Variants in CTNNAL1 observed in about 807,000 individuals in gnomAD.
CTNNAL1 encodes the protein catenin alpha like 1.
A neutral mutation model predicts 93.6 loss-of-function variants in CTNNAL1; 69 were observed. That is an observed-to-expected ratio of 0.74 (90% confidence interval 0.61 to 0.90). The LOEUF (loss-of-function observed/expected upper bound fraction) is 0.90. CTNNAL1 is among the 40% of genes least tolerant of loss of function. The pLI is 0.00. For missense variants in CTNNAL1, 836 were observed against 862.0 expected, an observed-to-expected ratio of 0.97 and a Z score of 0.38; for synonymous variants, 286 against 305.4, an observed-to-expected ratio of 0.94 and a Z score of 0.66.
chr9:108,960,149 C>A (rs1830787577), intron 11 of CTNNAL1, among the ~76,000 whole-genome samples: 1 of 152,102 alleles, frequency 6.6e-6, no homozygotes, highest in South Asian at 2.1e-4. Flanking sequence ...GAATCCCTGA[C>A]CACTAAAGCA....
intron 14 of CTNNAL1, among the ~76,000 whole-genome samples, chr9:108,951,195 T>TA (rs1201185040): frequency 1.3e-5 from 2 of 150,914 alleles, no homozygotes; most frequent in Non-Finnish European, 3.0e-5. Context: ...TTTTTTTTTT[T>TA]AAGTAGACAC....
intron 11 of CTNNAL1, among the ~76,000 whole-genome samples, chr9:108,956,282 C>T (rs1447861886): frequency 1.3e-5 from 2 of 152,210 alleles, no homozygotes; most frequent in African/African-American, 2.4e-5. Flanking sequence ...AAGAAGAAAA[C>T]CCTCTGTACA....
intron 12 of CTNNAL1, among the ~76,000 whole-genome samples, chr9:108,955,572 C>T (rs555548020): frequency 2.0e-4 from 31 of 152,170 alleles, no homozygotes; most frequent in African/African-American, 7.0e-4. Flanking sequence ...AATTATGTTA[C>T]CTATTCTCTC....
intron 14 of CTNNAL1, 58 bp from the exon 15 acceptor site, chr9:108,948,292 T>G (rs1320277920): frequency 3.3e-6 from 5 of 1,516,830 alleles, no homozygotes; most frequent in Non-Finnish European, 4.5e-6. Context: ...AAAATTGACT[T>G]TATAATATTA....
rs1376343897 is a variant in CTNNAL1 at position 108,950,847 on chromosome 9, G to A, written c.1835+1362C>T. The A allele has an allele frequency of 1.6e-5, 6 of 370,878 alleles. No homozygotes were observed. In the East Asian group the frequency reaches 2.5e-4, roughly 16 times the overall value. The allele number at this position is 370,878 out of a possible 1,614,324, so 23.0% of individuals were successfully genotyped here. A position where few individuals can be genotyped will look rare whatever the true frequency, so the allele number is the denominator to read the frequency against. Reference sequence around the variant, plus strand: ...TTGTGTCCCTATGAGGTAAGACTTTGTAATTCTAGGGATCATTTTTCAAAA... The same window carrying A: ...TTGTGTCCCTATGAGGTAAGACTTTATAATTCTAGGGATCATTTTTCAAAA... On this transcript the variant is annotated intron_variant, in intron 14 of 18. Transcript: ENST00000325551.
Sources: allele counts gnomAD v4.1 joint callset (sites outside exome capture counted in the v4.1 genomes callset), GRCh38; gene constraint gnomAD v4.1.1; transcripts MANE v1.5; gene names NCBI Gene and HGNC (gene_info 2026-07-23, HGNC 2026-07-21).